The following APBB2 variants were observed in gnomAD, a reference collection of about 807,000 sequenced individuals.
The protein encoded by APBB2 is amyloid beta precursor protein binding family B member 2.
In APBB2, 38 loss-of-function variants were observed where a neutral mutation model predicts 82.5. The observed-to-expected ratio is 0.46, with a 90% confidence interval of 0.36 to 0.60. The LOEUF (loss-of-function observed/expected upper bound fraction) is 0.60, where lower values mean the gene tolerates loss of function less well. Among genes scored for constraint, APBB2 ranks in the 20% least tolerant of loss-of-function variants. The pLI, the probability that APBB2 is intolerant of heterozygous loss-of-function variation, is 0.00. For synonymous variants in APBB2, 341 were observed against 368.2 expected (o/e 0.93, Z 0.85); for missense variants, 772 against 972.3 (o/e 0.79, Z 2.74).
intron 10 of APBB2, among the ~76,000 whole-genome samples, chr4:40,933,222 G>C (rs567946106): frequency 6.6e-6 from 1 of 152,164 alleles, no homozygotes; most frequent in Non-Finnish European, 1.5e-5. Flanking sequence ...GGGGATACTT[G>C]TAAGTGCAAA....
rs181947113 is a variant in APBB2 at position 41,053,214 on chromosome 4, C to T, written c.-51+12362G>A. ...ACTATATGATGTGCAAAATTCTTTTCTCTTTACAATTTGATGACCCTATGA... is the reference window on the plus strand; with the variant it reads ...ACTATATGATGTGCAAAATTCTTTTTTCTTTACAATTTGATGACCCTATGA... On this transcript the variant is annotated intron_variant, in intron 4 of 17. Transcript: ENST00000508593. Among the ~76,000 whole-genome samples the T allele has an allele frequency of 6.6e-3, 1,012 of 152,242 alleles. 15 individuals are homozygous for T. The highest frequency in any genetic ancestry group is 0.022 in the African/African-American group (902 of 41,550).
chr4:41,012,568 T>C (rs1011570159), intron 6 of APBB2, among the ~76,000 whole-genome samples: 1 of 151,714 alleles, frequency 6.6e-6, no homozygotes, highest in African/African-American at 2.4e-5. Flanking sequence ...AAAACGCTAC[T>C]TTTTTTTTCT....
chr4:40,999,244 C>T (rs1560490763), intron 6 of APBB2, among the ~76,000 whole-genome samples: 8 of 152,062 alleles, frequency 5.3e-5, no homozygotes, highest in Non-Finnish European at 4.4e-5. Flanking sequence ...AGTTCGAAAC[C>T]AGCCTGGGCA....
At chr4:40,884,900 A>C (rs1769778526) in intron 12 of APBB2, among the ~76,000 whole-genome samples, 1 of 152,362 alleles carries the variant, frequency 6.6e-6, no homozygotes, top group Middle Eastern at 3.4e-3. Context: ...TCCTGAGATC[A>C]TAATCAGATA....
At chr4:40,827,622 T>G (rs887846734) in intron 13 of APBB2, among the ~76,000 whole-genome samples, 1 of 152,126 alleles carries the variant, frequency 6.6e-6, no homozygotes, top group Non-Finnish European at 1.5e-5. Context: ...ACAGACAACA[T>G]GGGTTCAAAC....
chr4:41,046,318 G>T (rs1026194416), intron 4 of APBB2, among the ~76,000 whole-genome samples: 8 of 152,210 alleles, frequency 5.3e-5, no homozygotes, highest in Non-Finnish European at 1.0e-4. Context: ...AAAAAGCAAA[G>T]AATCCTGTTG....
chr4:40,910,039 G>A (rs1252154330), intron 10 of APBB2, among the ~76,000 whole-genome samples: 1 of 151,854 alleles, frequency 6.6e-6, no homozygotes, highest in Non-Finnish European at 1.5e-5. Flanking sequence ...CGCAACCTCT[G>A]TCTCCCAGTT....
chr4:40,823,812 A>G, intron 15 of APBB2, 53 bp from the exon 16 acceptor site: 3 of 1,180,044 alleles, frequency 2.5e-6, no homozygotes, highest in Non-Finnish European at 3.8e-6. Context: ...TACCACACTC[A>G]AATGTGGGCC....
intron 6 of APBB2, among the ~76,000 whole-genome samples, chr4:40,963,639 A>T (rs1429425001): frequency 6.6e-6 from 1 of 152,266 alleles, no homozygotes; most frequent in African/African-American, 2.4e-5. Flanking sequence ...CTTAGCTCTC[A>T]GAAGTGGGAA....
chr4:40,917,637 G>A (rs1234220448), intron 10 of APBB2, among the ~76,000 whole-genome samples: 1 of 152,160 alleles, frequency 6.6e-6, no homozygotes, highest in Admixed American at 6.5e-5. Flanking sequence ...AATTATAAAG[G>A]TAGAGGGAGT....
chr4:41,026,941 A>G (rs372395841), intron 5 of APBB2, among the ~76,000 whole-genome samples: 4 of 152,326 alleles, frequency 2.6e-5, no homozygotes, highest in African/African-American at 4.8e-5. Flanking sequence ...GGTCTCTCAA[A>G]AAAAAAGTAT....
chr4:41,061,046 G>A (rs938448986), intron 4 of APBB2, among the ~76,000 whole-genome samples: 2 of 152,112 alleles, frequency 1.3e-5, no homozygotes, highest in African/African-American at 4.8e-5. Context: ...GCAGGGAAGC[G>A]GCATGGTCAG....
intron 6 of APBB2, among the ~76,000 whole-genome samples, chr4:41,004,970 C>T (rs1283899420): frequency 6.6e-6 from 1 of 151,808 alleles, no homozygotes; most frequent in Non-Finnish European, 1.5e-5. Context: ...CTTATATGAC[C>T]AATACTGCTC....
At chr4:41,084,638 C>T (rs1357256889) in intron 3 of APBB2, 1 of 152,080 alleles carries the variant, frequency 6.6e-6, no homozygotes, top group African/African-American at 2.4e-5. Flanking sequence ...ATACTAAAAT[C>T]AGAATAATAC....
chr4:41,129,411 T>C (rs1286103130), intron 2 of APBB2, among the ~76,000 whole-genome samples: 1 of 152,118 alleles, frequency 6.6e-6, no homozygotes, highest in Non-Finnish European at 1.5e-5. Flanking sequence ...CCCTGAAATG[T>C]CATCACCTCT....
chr4:40,926,845 T>G (rs1782736142), intron 10 of APBB2, among the ~76,000 whole-genome samples: 1 of 152,272 alleles, frequency 6.6e-6, no homozygotes, highest in Admixed American at 6.5e-5. Flanking sequence ...AATTGACGTC[T>G]TCTAAGCATC....
intron 12 of APBB2, among the ~76,000 whole-genome samples, chr4:40,889,931 G>A (rs1344317084): frequency 6.6e-6 from 1 of 152,200 alleles, no homozygotes; most frequent in Non-Finnish European, 1.5e-5. Flanking sequence ...ATGAAAGGCT[G>A]TACAACGTCC....
chr4:40,959,309 C>G (rs770679993), intron 6 of APBB2, among the ~76,000 whole-genome samples: 1 of 152,174 alleles, frequency 6.6e-6, no homozygotes, highest in Non-Finnish European at 1.5e-5. Flanking sequence ...TACAATTAAA[C>G]AGAATAGAAT....
intron 10 of APBB2, among the ~76,000 whole-genome samples, chr4:40,894,300 AAAG>A (rs1773030559): frequency 6.6e-6 from 1 of 151,232 alleles, no homozygotes; most frequent in African/African-American, 2.5e-5. Flanking sequence ...AAAAAAAAAA[AAAG>A]AATAGATTAC....
Sources: allele counts gnomAD v4.1 joint callset (sites outside exome capture counted in the v4.1 genomes callset), GRCh38; gene constraint gnomAD v4.1.1; transcripts MANE v1.5; gene names NCBI Gene and HGNC (gene_info 2026-07-23, HGNC 2026-07-21).